ADAP1: variants seen among roughly 807,000 people sequenced by gnomAD.
ADAP1 encodes arf-GAP with dual PH domain-containing protein 1.
A neutral mutation model predicts 54.9 loss-of-function variants in ADAP1; 31 were observed. That is an observed-to-expected ratio of 0.56 (90% confidence interval 0.42 to 0.76). The LOEUF is 0.76. Among genes scored for constraint, ADAP1 ranks in the 30% least tolerant of loss-of-function variants. The pLI is 0.00. For missense variants in ADAP1, 535 were observed against 512.4 expected (o/e 1.04, Z -0.42); for synonymous variants, 313 against 202.6 (o/e 1.55, Z -4.63).
chr7:932,033 G>T (rs1450260357), intron 2 of ADAP1, among the ~76,000 whole-genome samples: 8 of 152,242 alleles, frequency 5.3e-5, no homozygotes, highest in African/African-American at 1.9e-4. Flanking sequence ...GCCGGGCTGA[G>T]ACCCAGCCCT....
At chr7:948,975 G>A (rs1359038877) in intron 1 of ADAP1, among the ~76,000 whole-genome samples, 1 of 152,144 alleles carries the variant, frequency 6.6e-6, no homozygotes, top group African/African-American at 2.4e-5. Context: ...GATTACAGGC[G>A]TGAGCCACCA....
intron 1 of ADAP1, 142 bp from the exon 2 acceptor site, chr7:935,647 G>A (rs1401198209): frequency 1.3e-5 from 14 of 1,083,194 alleles, no homozygotes; most frequent in Non-Finnish European, 1.7e-5. Context: ...GGCTCCGTGC[G>A]CCCCACAGGC....
chr7:911,113 C>T (rs1306385114), intron 4 of ADAP1, among the ~76,000 whole-genome samples: 1 of 152,194 alleles, frequency 6.6e-6, no homozygotes, highest in Non-Finnish European at 1.5e-5. Flanking sequence ...CCGTATCCTG[C>T]GGAGGGCTCC....
chr7:914,872 G>C (rs910064463), intron 4 of ADAP1, among the ~76,000 whole-genome samples: 1 of 152,092 alleles, frequency 6.6e-6, no homozygotes, highest in Non-Finnish European at 1.5e-5. Flanking sequence ...CTACTGACCA[G>C]GCTGCAGGGG....
intron 6 of ADAP1, chr7:901,460 C>G: frequency 5.7e-6 from 1 of 175,462 alleles, no homozygotes; most frequent in Non-Finnish European, 1.2e-5. Context: ...TTCTCCCCAG[C>G]CCCTTTGGCC....
At chr7:951,103 G>T (rs928087416) in intron 1 of ADAP1, among the ~76,000 whole-genome samples, 2 of 152,110 alleles carry the variant, frequency 1.3e-5, no homozygotes, top group African/African-American at 2.4e-5. Context: ...GGCCAGGCGC[G>T]GTGGCTCATG....
chr7:927,196 A>C, intron 2 of ADAP1: 1 of 1,290,996 alleles, frequency 7.7e-7, no homozygotes, highest in Non-Finnish European at 1.0e-6. Flanking sequence ...TGTTTACGAA[A>C]CAGGCTGAGG....
Position 935,268 on chromosome 7 carries a change from A to G in ADAP1, c.213+107T>C, listed in dbSNP as rs181257161. 3.5e-3 allele frequency: 5,060 copies of G among 1,445,310 alleles called. 137 individuals are homozygous for G. The African/African-American group carries it at 0.063, about 18-fold the overall frequency. The allele number at this position is 1,445,310 out of a possible 1,614,324, so 89.5% of individuals were successfully genotyped here. A position where few individuals can be genotyped will look rare whatever the true frequency, so the allele number is the denominator to read the frequency against. ...GCCAGCCAGGCCCCCAGAGTAGCCCAAGGCTCCAGGGGCCACAGCCAGGCC... is the reference window on the plus strand; with the variant it reads ...GCCAGCCAGGCCCCCAGAGTAGCCCGAGGCTCCAGGGGCCACAGCCAGGCC... On this transcript the variant is annotated intron_variant, in intron 2 of 10. Coordinates refer to ENST00000265846, the MANE Select transcript of ADAP1 (RefSeq NM_006869.4).
intron 4 of ADAP1, among the ~76,000 whole-genome samples, chr7:913,921 C>T (rs905709349): frequency 1.6e-4 from 25 of 152,248 alleles, no homozygotes; most frequent in African/African-American, 2.9e-4. Context: ...GGCAACAGAG[C>T]AGGAAAAAAC....
intron 7 of ADAP1, 94 bp from the exon 8 acceptor site, chr7:900,258 G>C: frequency 6.7e-7 from 1 of 1,490,662 alleles, no homozygotes. Flanking sequence ...CTCACCCCGG[G>C]CCACCAGGTC....
At chr7:905,563 A>AGGG (rs1845168147) in intron 4 of ADAP1, 1 of 80,872 alleles carries the variant, frequency 1.2e-5, no homozygotes, top group Non-Finnish European at 2.9e-5. Flanking sequence ...AGAAAGGAGA[A>AGGG]AGGAGAAAGG....
chr7:913,700 C>G (rs1014527957), intron 4 of ADAP1, among the ~76,000 whole-genome samples: 11 of 151,908 alleles, frequency 7.2e-5, no homozygotes, highest in South Asian at 6.2e-4. Context: ...TTTGGGAGGC[C>G]GAGGCGGGCG....
At position 952,900 on chromosome 7, in the gene ADAP1, G is replaced by C. The variant is rs182388784; in HGVS notation, c.82+1496C>G. On this transcript the variant is annotated intron_variant, in intron 1 of 10. Transcript: ENST00000265846. The stretch of plus-strand genomic sequence containing the variant: ...GGCCGGGCACACCTGCACCCACTGG[G>C]AGGGGAGGACCACTGAAGGACCCAG... Among the ~76,000 whole-genome samples, 405 of 152,228 alleles carry C rather than the reference G, an allele frequency of 2.7e-3. 1 individual carries two copies. Among genetic ancestry groups the C allele is most frequent in the African/African-American group, 9.4e-3 (390 of 41,532 alleles).
At chr7:919,608 G>C (rs956138400) in intron 4 of ADAP1, among the ~76,000 whole-genome samples, 1 of 140,752 alleles carries the variant, frequency 7.1e-6, no homozygotes, top group Non-Finnish European at 1.5e-5. Context: ...GAGAGACAGA[G>C]AATGAGAGAC....
intron 1 of ADAP1, among the ~76,000 whole-genome samples, chr7:940,570 A>T (rs1227307651): frequency 2.6e-5 from 4 of 152,200 alleles, no homozygotes; most frequent in Non-Finnish European, 5.9e-5. Context: ...ATGAGGATAC[A>T]GAGCAAGTGG....
At position 935,601 on chromosome 7, in the gene ADAP1, TG is replaced by T. The variant is rs564197109; in HGVS notation, c.83-97del. The T allele has an allele frequency of 5.1e-5, 73 of 1,435,774 alleles. 1 individual carries two copies. Among genetic ancestry groups the T allele is most frequent in the South Asian group, 4.1e-4 (31 of 75,162 alleles). The allele number at this position is 1,435,774 out of a possible 1,614,324, so 88.9% of individuals were successfully genotyped here. ...GAGTCAGGAGCCCCCGGCCATGCAG[TG>T]GGGGGGGCTTCAGCGGAGACCCCCG... On this transcript the variant is annotated intron_variant, in intron 1 of 10. Transcript: ENST00000265846.
At chr7:927,822 T>C (rs1846438396) in intron 2 of ADAP1, among the ~76,000 whole-genome samples, 1 of 152,088 alleles carries the variant, frequency 6.6e-6, no homozygotes, top group Non-Finnish European at 1.5e-5. Context: ...GAAAAATGTC[T>C]CCTTATGGGA....
intron 1 of ADAP1, among the ~76,000 whole-genome samples, chr7:950,894 A>AAGT (rs909165499): frequency 1.3e-5 from 2 of 150,004 alleles, no homozygotes; most frequent in Admixed American, 6.7e-5. Context: ...AAAGAACAGA[A>AAGT]AGTAGAAGGG....
chr7:905,315 GGAGAGGGGACATGGA>G, intron 4 of ADAP1, 143 bp from the exon 5 acceptor site: 1 of 489,526 alleles, frequency 2.0e-6, no homozygotes. Flanking sequence ...AGACGGACGG[GGAGAGGGGACATGGA>G]GGAGACAGGG....
Sources: gnomAD v4.1 joint callset for allele counts (sites outside exome capture counted in the v4.1 genomes callset) on GRCh38, gnomAD v4.1.1 for gene constraint, MANE v1.5 for transcripts, NCBI Gene and HGNC (gene_info 2026-07-23, HGNC 2026-07-21) for gene names.